OCLN: variants seen among roughly 807,000 people sequenced by gnomAD.
OCLN encodes occludin.
OCLN carries 21 observed loss-of-function variants against 47.9 expected under a neutral mutation model. The ratio of observed to expected loss-of-function variants is 0.44; its 90% CI spans 0.31 to 0.63. OCLN has a LOEUF of 0.63. OCLN is among the 30% of genes least tolerant of loss of function. OCLN has a pLI of 0.08. For missense variants in OCLN, 360 were observed against 571.0 expected (o/e 0.63, Z 3.77); for synonymous variants, 117 against 198.4 (o/e 0.59, Z 3.45).
chr5:69,516,525 G>A (rs544896459), intron 4 of OCLN, among the ~76,000 whole-genome samples: 1 of 151,988 alleles, frequency 6.6e-6, no homozygotes, highest in East Asian at 1.9e-4. Flanking sequence ...AGAGGGAGAG[G>A]GGGGAGAGGG....
chr5:69,536,631 AG>A lies in OCLN; in HGVS notation c.1037+1793del, dbSNP rs1463552214. Among the ~76,000 whole-genome samples the A allele has an allele frequency of 5.4e-4, 80 of 147,874 alleles. 1 individual carries two copies. The highest frequency in any genetic ancestry group is 2.0e-3 in the African/African-American group (79 of 39,716). Reference sequence around the variant, plus strand: ...GGTTACAGTGAGCTGAGATCACACCAGTGCACTCCAGCCTGCGTGACAAAGT... The same window carrying A: ...GGTTACAGTGAGCTGAGATCACACCATGCACTCCAGCCTGCGTGACAAAGT... On this transcript the variant is annotated intron_variant, in intron 5 of 8. Coordinates refer to ENST00000396442, the MANE Select transcript of OCLN (RefSeq NM_001205254.2).
In OCLN at chr5:69,504,067, T is replaced by C. The variant is rs2111956731; in HGVS notation, c.-68-110T>C. ...GTGAGCTGTGATTGGACCACTGCAC[T>C]CCAGCCTGGGTGACAGGGTGAGACC... On this transcript the variant is annotated intron_variant, in intron 1 of 8. Coordinates refer to ENST00000396442, the MANE Select transcript of OCLN (RefSeq NM_001205254.2). 1.1e-5 allele frequency: 7 copies of C among 645,832 alleles called. No individual in the cohort carries two copies. In the South Asian group the frequency reaches 1.1e-4, roughly 10 times the overall value. The allele number at this position is 645,832 out of a possible 1,614,324, so 40.0% of individuals were successfully genotyped here.
intron 2 of OCLN, among the ~76,000 whole-genome samples, chr5:69,508,409 C>T (rs1437566465): frequency 6.6e-6 from 1 of 152,082 alleles, no homozygotes; most frequent in Admixed American, 6.6e-5. Flanking sequence ...GGCACGATCT[C>T]GGCTCACTGC....
chr5:69,522,312 G>C (rs1769159936), intron 4 of OCLN, among the ~76,000 whole-genome samples: 1 of 152,138 alleles, frequency 6.6e-6, no homozygotes, highest in Admixed American at 6.5e-5. Context: ...AGAGGGTTGA[G>C]TTAAACATAT....
intron 4 of OCLN, among the ~76,000 whole-genome samples, chr5:69,517,751 C>T (rs758739566): frequency 4.6e-5 from 7 of 151,904 alleles, no homozygotes; most frequent in Admixed American, 1.3e-4. Flanking sequence ...ACCACTGAGA[C>T]GATAGTTCTT....
chr5:69,497,577 G>A (rs1445953914), intron 1 of OCLN, among the ~76,000 whole-genome samples: 1 of 151,614 alleles, frequency 6.6e-6, no homozygotes, highest in African/African-American at 2.4e-5. Context: ...TAGTAGAGAC[G>A]AGGTTTCACC....
At position 69,554,911 on chromosome 5, in the gene OCLN, A is replaced by G. The variant is rs1162456969; in HGVS notation, c.*1240A>G. 2 of 150,462 alleles carry G rather than the reference A, an allele frequency of 1.3e-5. No homozygotes were observed. Among genetic ancestry groups the G allele is most frequent in the Non-Finnish European group, 3.0e-5 (2 of 67,596 alleles). The allele number at this position is 150,462 out of a possible 1,614,324, so 9.3% of individuals were successfully genotyped here. On this transcript the variant is annotated 3_prime_UTR_variant, in exon 9 of 9. Coordinates refer to ENST00000396442, the MANE Select transcript of OCLN (RefSeq NM_001205254.2). Reference sequence around the variant, plus strand: ...TAGAATAATCTATAAACTGAACTTTAGTATGCATTTCAGATATTTAGGTAT... The same window carrying G: ...TAGAATAATCTATAAACTGAACTTTGGTATGCATTTCAGATATTTAGGTAT...
chr5:69,553,759 G>T lies in OCLN; in HGVS notation c.*88G>T. 6.3e-7 allele frequency: 1 copy of T among 1,586,992 alleles called. No individual in the cohort carries two copies. The highest frequency in any genetic ancestry group is 1.1e-5 in the South Asian group (1 of 89,408). On this transcript the variant is annotated 3_prime_UTR_variant, in exon 9 of 9. Transcript: ENST00000396442. ...GCAAATGACTTTGGACCATAACCCC[G>T]GAAGCCAAACCTCTGTGAGCATCAC...
At chr5:69,530,655 C>G (rs1007902990) in intron 4 of OCLN, 6 of 152,032 alleles carry the variant, frequency 3.9e-5, no homozygotes, top group Non-Finnish European at 8.8e-5. Flanking sequence ...TGTTCTTGCC[C>G]AAAGGCCATG....
intron 3 of OCLN, among the ~76,000 whole-genome samples, chr5:69,513,079 C>T (rs1460730143): frequency 2.0e-5 from 3 of 152,114 alleles, no homozygotes; most frequent in South Asian, 2.1e-4. Flanking sequence ...GGTTGGTACT[C>T]CTATCCTACC....
rs370997003 is a variant in OCLN, at chr5:69,493,689, G to A, written c.-69+789G>A. On this transcript the variant is annotated intron_variant, in intron 1 of 8. Coordinates refer to ENST00000396442, the MANE Select transcript of OCLN (RefSeq NM_001205254.2). The surrounding 1 kb of genome is among the most constrained non-coding windows in gnomAD (Gnocchi z 5.3). ...GGCGAACGTGGGCGCGCGCTGCCTG[G>A]GAGCGCCTCGGTGCGCACGGAAGCC... Among the ~76,000 whole-genome samples, 1 of 152,132 alleles carries A rather than the reference G, an allele frequency of 6.6e-6. No individual in the cohort carries two copies. Among genetic ancestry groups the A allele is most frequent in the East Asian group, 1.9e-4 (1 of 5,166 alleles).
chr5:69,535,958 C>T (rs1037709518), intron 5 of OCLN, among the ~76,000 whole-genome samples: 44 of 152,164 alleles, frequency 2.9e-4, no homozygotes, highest in Non-Finnish European at 5.3e-4. Flanking sequence ...AACCCCATCT[C>T]TACTAAAAAT....
At position 69,509,175 on chromosome 5, in the gene OCLN, T is replaced by C. The variant is rs759591993; in HGVS notation, c.85T>C (p.Tyr29His). The C allele has an allele frequency of 1.6e-5, 26 of 1,614,092 alleles. No individual in the cohort carries two copies. The highest frequency in any genetic ancestry group is 2.2e-5 in the East Asian group (1 of 44,890). Residue 29 changes from tyrosine (Y) to histidine (H), a missense_variant, in exon 3 of 9, where the codon TAT (tyrosine) becomes CAT (histidine). Physicochemically the swap from Tyr to His is moderately conservative, Grantham distance 83 (BLOSUM62 2). Transcript: ENST00000396442. The part of the protein sequence containing the change: ...PNHYAPSNDI[Y>H]GGEMHVRPML... ...TCATTATGCACCAAGCAATGACATA[T>C]ATGGTGGAGAGATGCATGTTCGACC...
At chr5:69,524,020 A>C (rs765225987) in intron 4 of OCLN, among the ~76,000 whole-genome samples, 6 of 152,010 alleles carry the variant, frequency 3.9e-5, no homozygotes, top group Non-Finnish European at 7.4e-5. Context: ...CTGGTGGCGC[A>C]TGCCTGTAGT....
At chr5:69,515,098 C>T (rs1179810744) in intron 4 of OCLN, among the ~76,000 whole-genome samples, 1 of 151,860 alleles carries the variant, frequency 6.6e-6, no homozygotes, top group Admixed American at 6.5e-5. Context: ...CCAGTAGGGG[C>T]GGCCGGGCAG....
chr5:69,494,836 G>A (rs929571600), intron 1 of OCLN, among the ~76,000 whole-genome samples: 5 of 152,152 alleles, frequency 3.3e-5, no homozygotes, highest in African/African-American at 1.2e-4. Context: ...CAAATGCCGT[G>A]GGGGAAACGT....
intron 3 of OCLN, among the ~76,000 whole-genome samples, chr5:69,512,044 A>AG (rs1768805133): frequency 1.3e-5 from 2 of 151,752 alleles, no homozygotes; most frequent in Non-Finnish European, 2.9e-5. Flanking sequence ...AAAAAAAAAA[A>AG]ATTTTTAGTT....
rs1358317561 is a variant in OCLN, at chr5:69,554,825, C to T, written c.*1154C>T. 5 of 151,894 alleles carry T rather than the reference C, an allele frequency of 3.3e-5. No individual in the cohort carries two copies. Among genetic ancestry groups the T allele is most frequent in the Non-Finnish European group, 5.9e-5 (4 of 67,994 alleles). 9.4% of individuals were successfully genotyped at this position (151,894 alleles called of 1,614,324 possible). ...TCTTATTAGTAAAATTAGTTGATAGCACTGTGCTGACCAAGTTGATTGTGA... is the reference window on the plus strand; with the variant it reads ...TCTTATTAGTAAAATTAGTTGATAGTACTGTGCTGACCAAGTTGATTGTGA... On this transcript the variant is annotated 3_prime_UTR_variant, in exon 9 of 9. Transcript: ENST00000396442.
chr5:69,494,693 A>G (rs1331407165), intron 1 of OCLN, among the ~76,000 whole-genome samples: 1 of 152,206 alleles, frequency 6.6e-6, no homozygotes, highest in Non-Finnish European at 1.5e-5. Context: ...TTTCCAGGCC[A>G]TTTCGGGAAA....
Sources: gnomAD v4.1 joint callset for allele counts (sites outside exome capture counted in the v4.1 genomes callset) on GRCh38, gnomAD v4.1.1 for gene constraint, Gnocchi (gnomAD v3.1) non-coding constraint, MANE v1.5 for transcripts, NCBI Gene and HGNC (gene_info 2026-07-23, HGNC 2026-07-21) for gene names.